RIT2: variants seen among roughly 807,000 people sequenced by gnomAD.
RIT2 encodes the protein Ras like without CAAX 2.
RIT2 carries 24 observed loss-of-function variants against 23.7 expected under a neutral mutation model. The observed-to-expected ratio is 1.01, with a 90% confidence interval of 0.73 to 1.43. The LOEUF is 1.43. RIT2 is among the 40% of genes most tolerant of loss of function. RIT2 has a pLI of 0.00. For missense variants in RIT2, 236 were observed against 266.9 expected (o/e 0.88, Z 0.81); for synonymous variants, 107 against 91.1 (o/e 1.17, Z -0.99).
intron 4 of RIT2, among the ~76,000 whole-genome samples, chr18:42,766,641 A>C (rs1361703101): frequency 2.0e-5 from 3 of 152,238 alleles, no homozygotes; most frequent in African/African-American, 7.2e-5. Context: ...TTGCATAAGT[A>C]GGAAGGACCC....
chr18:42,810,664 A>G (rs1459423662), intron 4 of RIT2, among the ~76,000 whole-genome samples: 1 of 151,814 alleles, frequency 6.6e-6, no homozygotes, highest in Non-Finnish European at 1.5e-5. Context: ...AAAAACCCCT[A>G]CCTATGACGT....
chr18:42,763,998 C>T (rs181796487), intron 4 of RIT2, among the ~76,000 whole-genome samples: 355 of 152,150 alleles, frequency 2.3e-3, no homozygotes, highest in African/African-American at 7.6e-3. Flanking sequence ...CATCACTGAC[C>T]GAAATGTTGT....
intron 4 of RIT2, among the ~76,000 whole-genome samples, chr18:42,858,537 G>A (rs1394805264): frequency 6.6e-6 from 1 of 152,208 alleles, no homozygotes; most frequent in Non-Finnish European, 1.5e-5. Flanking sequence ...TTTTATAAAA[G>A]ATGTATTGGA....
chr18:43,002,062 G>A (rs2144243132), intron 2 of RIT2, among the ~76,000 whole-genome samples: 1 of 152,090 alleles, frequency 6.6e-6, no homozygotes, highest in Non-Finnish European at 1.5e-5. Context: ...GGCAAGCTGA[G>A]TAGCAAGAAA....
intron 1 of RIT2, among the ~76,000 whole-genome samples, chr18:43,078,587 T>C (rs541046985): frequency 7.2e-5 from 11 of 152,290 alleles, no homozygotes; most frequent in Admixed American, 7.2e-4. Flanking sequence ...TAAACATCAC[T>C]GGCTCTGTGT....
At chr18:42,832,374 A>T (rs1263634905) in intron 4 of RIT2, among the ~76,000 whole-genome samples, 1 of 152,240 alleles carries the variant, frequency 6.6e-6, no homozygotes, top group East Asian at 1.9e-4. Flanking sequence ...AAATAAACTT[A>T]TATAGGCCAG....
intron 1 of RIT2, among the ~76,000 whole-genome samples, chr18:43,068,448 A>G (rs1912820408): frequency 1.3e-5 from 2 of 152,116 alleles, no homozygotes; most frequent in Admixed American, 6.6e-5. Context: ...AACCCAGGGA[A>G]CAGCAGCAAT....
chr18:42,920,903 C>T (rs912228018), intron 4 of RIT2: 1 of 594,378 alleles, frequency 1.7e-6, no homozygotes, highest in Non-Finnish European at 3.0e-6. Context: ...AGCTGCAAAC[C>T]ATCCAGGTGT....
intron 2 of RIT2, among the ~76,000 whole-genome samples, chr18:42,976,242 G>A (rs2144207141): frequency 6.6e-6 from 1 of 152,012 alleles, no homozygotes; most frequent in South Asian, 2.1e-4. Flanking sequence ...TTAAGAGAAA[G>A]TGAAGCAAGA....
chr18:43,092,559 G>A (rs1445059529), intron 1 of RIT2, among the ~76,000 whole-genome samples: 2 of 151,960 alleles, frequency 1.3e-5, no homozygotes. Context: ...GATTAACTGA[G>A]GATATTCTAG....
chr18:42,966,713 G>GC (rs1910232630), intron 3 of RIT2, among the ~76,000 whole-genome samples: 1 of 152,152 alleles, frequency 6.6e-6, no homozygotes, highest in South Asian at 2.1e-4. Flanking sequence ...CAAGGTCAGG[G>GC]AATGCCATGA....
intron 4 of RIT2, among the ~76,000 whole-genome samples, chr18:42,808,001 A>G (rs577610804): frequency 6.6e-6 from 1 of 152,330 alleles, no homozygotes; most frequent in East Asian, 1.9e-4. Context: ...TGTGTTTGAA[A>G]GAGCCCCGCA....
At chr18:43,031,589 G>C (rs1456462956) in intron 2 of RIT2, among the ~76,000 whole-genome samples, 1 of 151,968 alleles carries the variant, frequency 6.6e-6, no homozygotes, top group Non-Finnish European at 1.5e-5. Context: ...ATTACTCCTT[G>C]GGATGAACAC....
rs537808064 is a variant in RIT2, at chr18:42,888,757, C to A, written c.426+34815G>T. On this transcript the variant is annotated intron_variant, in intron 4 of 4. Transcript: ENST00000326695. ...AAAAAGAATGAAATCATGTCTATTGCACCAACATGAATGGAGCTGGAAGCC... is the reference window on the plus strand; with the variant it reads ...AAAAAGAATGAAATCATGTCTATTGAACCAACATGAATGGAGCTGGAAGCC... 1.1e-4 allele frequency among the ~76,000 whole-genome samples: 16 copies of A among 152,162 alleles called. No individual in the cohort carries two copies. The South Asian group carries it at 2.7e-3, about 26-fold the overall frequency.
chr18:43,043,291 C>T (rs936660471), intron 1 of RIT2, among the ~76,000 whole-genome samples: 1 of 152,032 alleles, frequency 6.6e-6, no homozygotes, highest in Admixed American at 6.6e-5. Context: ...ATTGATTGGG[C>T]CATAGGACCC....
chr18:43,003,595 T>C (rs1349401971), intron 2 of RIT2, among the ~76,000 whole-genome samples: 1 of 151,904 alleles, frequency 6.6e-6, no homozygotes, highest in Non-Finnish European at 1.5e-5. Context: ...TTGACTCTGG[T>C]ACCAATGTCC....
intron 1 of RIT2, among the ~76,000 whole-genome samples, chr18:43,043,982 T>A (rs1218438840): frequency 1.3e-5 from 2 of 152,064 alleles, no homozygotes; most frequent in Non-Finnish European, 2.9e-5. Flanking sequence ...AAGGAAGACA[T>A]GCCCAGAGGA....
chr18:42,779,538 A>G (rs1828805097), intron 4 of RIT2, among the ~76,000 whole-genome samples: 1 of 152,168 alleles, frequency 6.6e-6, no homozygotes, highest in Non-Finnish European at 1.5e-5. Flanking sequence ...CCTTACTGCA[A>G]TAGTCTTGAA....
intron 2 of RIT2, among the ~76,000 whole-genome samples, chr18:43,025,793 C>G (rs1169756533): frequency 6.6e-6 from 1 of 151,890 alleles, no homozygotes; most frequent in Non-Finnish European, 1.5e-5. Context: ...TACACATGAA[C>G]ATAAAGAGTG....
Sources: gnomAD v4.1 joint callset for allele counts (sites outside exome capture counted in the v4.1 genomes callset) on GRCh38, gnomAD v4.1.1 for gene constraint, MANE v1.5 for transcripts, NCBI Gene and HGNC (gene_info 2026-07-23, HGNC 2026-07-21) for gene names.